The following FGF14 variants were observed in gnomAD, a reference collection of about 807,000 sequenced individuals.
The protein encoded by FGF14 is fibroblast growth factor homologous factor 4.
FGF14 carries 5 observed loss-of-function variants against 25.5 expected under a neutral mutation model. The ratio of observed to expected loss-of-function variants is 0.20; its 90% CI spans 0.10 to 0.41. FGF14 has a LOEUF of 0.41. Among genes scored for constraint, FGF14 ranks in the 10% least tolerant of loss-of-function variants. FGF14 has a pLI of 1.00. For synonymous variants in FGF14, 138 were observed against 118.3 expected (o/e 1.17, Z -1.08); for missense variants, 222 against 320.1 (o/e 0.69, Z 2.34).
chr13:102,002,711 G>C (rs1373733113), intron 1 of FGF14: 1 of 152,388 alleles, frequency 6.6e-6, no homozygotes, highest in South Asian at 2.1e-4. Context: ...CTTTGGTAAA[G>C]AGCCCTTATC....
At chr13:101,935,723 G>A (rs972727629) in intron 1 of FGF14, among the ~76,000 whole-genome samples, 2 of 152,094 alleles carry the variant, frequency 1.3e-5, no homozygotes, top group African/African-American at 4.8e-5. Context: ...TTTCACAGCA[G>A]CATGAGAACG....
chr13:101,830,982 G>C (rs919360176), intron 3 of FGF14, among the ~76,000 whole-genome samples: 1 of 151,978 alleles, frequency 6.6e-6, no homozygotes, highest in Non-Finnish European at 1.5e-5. Context: ...AAGTAATCTT[G>C]TGATTATATC....
chr13:102,044,361 A>T (rs75530567), intron 1 of FGF14, among the ~76,000 whole-genome samples: 10 of 103,738 alleles, frequency 9.6e-5, no homozygotes, highest in Admixed American at 8.6e-4. Context: ...TTGCAATGAT[A>T]AAAAAAAAAA....
intron 3 of FGF14, among the ~76,000 whole-genome samples, chr13:101,814,438 C>T (rs532343256): frequency 1.9e-3 from 287 of 152,302 alleles, no homozygotes; most frequent in Non-Finnish European, 3.3e-3. Flanking sequence ...TCTAATTTTA[C>T]GCCATAAAAT....
At chr13:102,219,273 C>T (rs905034882) in intron 1 of FGF14, among the ~76,000 whole-genome samples, 2 of 152,128 alleles carry the variant, frequency 1.3e-5, no homozygotes, top group Admixed American at 6.6e-5. Context: ...GCGTCCACTC[C>T]CAGCATCTCT....
chr13:102,111,678 T>A (rs1489745506), intron 1 of FGF14, among the ~76,000 whole-genome samples: 1 of 150,404 alleles, frequency 6.6e-6, no homozygotes, highest in Non-Finnish European at 1.5e-5. Context: ...ACTGTGCCAC[T>A]GTACTCTAGC....
At chr13:101,943,172 G>A (rs1407168067) in intron 1 of FGF14, among the ~76,000 whole-genome samples, 1 of 152,154 alleles carries the variant, frequency 6.6e-6, no homozygotes, top group Non-Finnish European at 1.5e-5. Context: ...TTGTAACTAG[G>A]CAGTCTAGCT....
chr13:102,023,746 G>A (rs1364552002), intron 1 of FGF14, among the ~76,000 whole-genome samples: 1 of 151,910 alleles, frequency 6.6e-6, no homozygotes, highest in African/African-American at 2.4e-5. Context: ...TTTAAGGTTC[G>A]TTTATGTCAT....
intron 3 of FGF14, among the ~76,000 whole-genome samples, chr13:101,806,874 G>T (rs950830498): frequency 4.6e-5 from 7 of 152,086 alleles, no homozygotes; most frequent in Non-Finnish European, 7.4e-5. Flanking sequence ...GAATCCTGGG[G>T]TTCCCTCACA....
At chr13:102,351,153 T>G (rs2057267109) in intron 1 of FGF14, among the ~76,000 whole-genome samples, 1 of 152,158 alleles carries the variant, frequency 6.6e-6, no homozygotes, top group South Asian at 2.1e-4. Flanking sequence ...TCTTCCTCCT[T>G]CTGAATCTCT....
intron 1 of FGF14, among the ~76,000 whole-genome samples, chr13:102,340,317 A>G (rs1254169719): frequency 6.6e-6 from 1 of 152,164 alleles, no homozygotes; most frequent in Non-Finnish European, 1.5e-5. Context: ...ATCAAAAAAT[A>G]TTTTTATTTC....
At chr13:102,322,008 A>T (rs761475302) in intron 1 of FGF14, among the ~76,000 whole-genome samples, 1 of 152,202 alleles carries the variant, frequency 6.6e-6, no homozygotes, top group Non-Finnish European at 1.5e-5. Context: ...GAGCCTAGGA[A>T]GGGTGAGATT....
At chr13:102,140,567 T>C (rs2046606107) in intron 1 of FGF14, among the ~76,000 whole-genome samples, 1 of 152,144 alleles carries the variant, frequency 6.6e-6, no homozygotes, top group South Asian at 2.1e-4. Flanking sequence ...TGATTTATCA[T>C]TACCTATGCT....
chr13:102,045,544 A>C (rs2140022167), intron 1 of FGF14, among the ~76,000 whole-genome samples: 1 of 152,242 alleles, frequency 6.6e-6, no homozygotes, highest in Non-Finnish European at 1.5e-5. Context: ...AAATTCCTTA[A>C]CAAGCTAGAA....
chr13:102,001,032 G>C (rs756864493), intron 1 of FGF14, among the ~76,000 whole-genome samples: 8 of 152,132 alleles, frequency 5.3e-5, no homozygotes, highest in Non-Finnish European at 8.8e-5. Context: ...TTAGGGTTGG[G>C]ATGAAGAATA....
rs555249415 is a variant in FGF14, at chr13:102,401,328, T to C, written c.208+143A>G. ...GATCCAGCTGTTACTTGTTTATTCA[T>C]GCAACACCTCTATATGCAACACTGT... On this transcript the variant is annotated intron_variant, in intron 1 of 4. Transcript: ENST00000376131. 780 of 768,178 alleles carry C rather than the reference T, an allele frequency of 1.0e-3. 17 individuals are homozygous for C. The South Asian group carries it at 0.011, about 11-fold the overall frequency. The allele number at this position is 768,178 out of a possible 1,614,324, so 47.6% of individuals were successfully genotyped here.
intron 1 of FGF14, among the ~76,000 whole-genome samples, chr13:102,131,611 C>A (rs1379371): frequency 2.7e-4 from 41 of 152,242 alleles, no homozygotes; most frequent in Middle Eastern, 6.8e-3. Flanking sequence ...ATACTATTTT[C>A]TATATGAAGC....
intron 1 of FGF14, among the ~76,000 whole-genome samples, chr13:102,350,395 C>T (rs1233803544): frequency 1.3e-5 from 2 of 149,468 alleles, no homozygotes; most frequent in Admixed American, 6.6e-5. Flanking sequence ...AAAAAAAAAT[C>T]ATCTCCCCAA....
intron 1 of FGF14, among the ~76,000 whole-genome samples, chr13:102,159,607 A>G (rs546937361): frequency 6.6e-6 from 1 of 152,290 alleles, no homozygotes; most frequent in East Asian, 1.9e-4. Flanking sequence ...TGTCCCACCT[A>G]TCAAACTGTA....
Sources: gnomAD v4.1 joint callset for allele counts (sites outside exome capture counted in the v4.1 genomes callset) on GRCh38, gnomAD v4.1.1 for gene constraint, MANE v1.5 for transcripts, NCBI Gene and HGNC (gene_info 2026-07-23, HGNC 2026-07-21) for gene names.